BABAM2: variants seen among roughly 807,000 people sequenced by gnomAD.
BABAM2 encodes BRISC and BRCA1-A complex member 2.
BABAM2 carries 31 observed loss-of-function variants against 54.7 expected under a neutral mutation model. The ratio of observed to expected loss-of-function variants is 0.57; its 90% CI spans 0.43 to 0.77. The LOEUF is 0.77. Among genes scored for constraint, BABAM2 ranks in the 30% least tolerant of loss-of-function variants. The probability of loss-of-function intolerance (pLI) is 0.00; values close to 1 mark genes in which losing one functional copy is unlikely to be tolerated. For missense variants in BABAM2, 364 were observed against 455.8 expected, an observed-to-expected ratio of 0.80 and a Z score of 1.83; for synonymous variants, 167 against 162.9, an observed-to-expected ratio of 1.03 and a Z score of -0.19.
At chr2:28,173,488 C>T (rs114174003) in intron 7 of BABAM2, among the ~76,000 whole-genome samples, 1,589 of 152,256 alleles carry the variant, frequency 0.01, 16 homozygotes, top group Non-Finnish European at 0.018. Context: ...GGATGTCCTA[C>T]GGTTTAGAGC....
intron 10 of BABAM2, among the ~76,000 whole-genome samples, chr2:28,245,663 A>G (rs149293952): frequency 6.6e-6 from 1 of 152,340 alleles, no homozygotes; most frequent in East Asian, 1.9e-4. Context: ...TTCAGTCTTC[A>G]GGCCAAGGCA....
intron 3 of BABAM2, among the ~76,000 whole-genome samples, chr2:27,945,295 C>CT (rs1669216632): frequency 6.6e-6 from 1 of 152,214 alleles, no homozygotes; most frequent in Non-Finnish European, 1.5e-5. Context: ...TCCCAAGGTG[C>CT]TGAGATTACA....
intron 10 of BABAM2, among the ~76,000 whole-genome samples, chr2:28,268,692 G>A (rs897292993): frequency 1.3e-5 from 2 of 152,126 alleles, no homozygotes; most frequent in African/African-American, 4.8e-5. Flanking sequence ...CACTGGGGTG[G>A]CTCTACCCAA....
chr2:28,038,725 A>G (rs1384927651), intron 5 of BABAM2, among the ~76,000 whole-genome samples: 2 of 152,066 alleles, frequency 1.3e-5, no homozygotes, highest in Non-Finnish European at 2.9e-5. Context: ...GTTCTTTTTT[A>G]ATTTCTGTGT....
intron 10 of BABAM2, among the ~76,000 whole-genome samples, chr2:28,252,711 A>G (rs1295897246): frequency 6.6e-6 from 1 of 152,226 alleles, no homozygotes; most frequent in Admixed American, 6.5e-5. Flanking sequence ...CTTTTAAGGA[A>G]GAAGGTTGTA....
chr2:28,063,799 T>A (rs1021255541), intron 6 of BABAM2, among the ~76,000 whole-genome samples: 2 of 152,200 alleles, frequency 1.3e-5, no homozygotes, highest in African/African-American at 4.8e-5. Context: ...GTGAGTATGA[T>A]TTGGGTTCCT....
chr2:28,152,832 G>A (rs1672185269), intron 7 of BABAM2, among the ~76,000 whole-genome samples: 1 of 152,202 alleles, frequency 6.6e-6, no homozygotes, highest in South Asian at 2.1e-4. Flanking sequence ...TGAGCCCTAA[G>A]TACAGATCCA....
chr2:28,073,161 C>G (rs1333710234), intron 6 of BABAM2, among the ~76,000 whole-genome samples: 2 of 152,230 alleles, frequency 1.3e-5, no homozygotes, highest in East Asian at 3.9e-4. Context: ...GATTTCCAAG[C>G]TTTCTTACAC....
intron 6 of BABAM2, among the ~76,000 whole-genome samples, chr2:28,108,773 C>A (rs1667740788): frequency 6.6e-6 from 1 of 151,998 alleles, no homozygotes; most frequent in African/African-American, 2.4e-5. Flanking sequence ...TTCACACAGA[C>A]CTCATTTAGT....
intron 11 of BABAM2, among the ~76,000 whole-genome samples, chr2:28,326,037 C>T (rs1224853583): frequency 6.6e-6 from 1 of 152,246 alleles, no homozygotes; most frequent in African/African-American, 2.4e-5. Flanking sequence ...CCTCGGAGCA[C>T]TGTTCCAGCT....
At position 27,933,108 on chromosome 2, in the gene BABAM2, T is replaced by G. The variant is rs148662351; in HGVS notation, c.205+3200T>G. ...TCTTTCTAGTAGCATGGGTTTATGT[T>G]AGGAAGCATTTGCTGTTACCCTATA... is the stretch of plus-strand genomic sequence containing the variant. On this transcript the variant is annotated intron_variant, in intron 3 of 11. Coordinates refer to ENST00000379624, the MANE Select transcript of BABAM2 (RefSeq NM_199191.3). 6.6e-5 allele frequency among the ~76,000 whole-genome samples: 10 copies of G among 152,334 alleles called. No individual in the cohort carries two copies. The East Asian group carries it at 1.5e-3, about 23-fold the overall frequency.
intron 2 of BABAM2, among the ~76,000 whole-genome samples, chr2:27,908,023 C>T (rs778539031): frequency 6.6e-6 from 1 of 152,028 alleles, no homozygotes; most frequent in Non-Finnish European, 1.5e-5. Flanking sequence ...CAGTTTTTTG[C>T]GTATATACCC....
intron 7 of BABAM2, among the ~76,000 whole-genome samples, chr2:28,160,711 A>C (rs1331394364): frequency 6.6e-6 from 1 of 151,702 alleles, no homozygotes; most frequent in African/African-American, 2.4e-5. Flanking sequence ...AAATTAAATG[A>C]ACATAGAAAG....
intron 6 of BABAM2, among the ~76,000 whole-genome samples, chr2:28,109,184 C>CTTTTTTTT (rs764380110): frequency 4.9e-5 from 5 of 101,906 alleles, no homozygotes; most frequent in Non-Finnish European, 8.1e-5. Flanking sequence ...GACACATACT[C>CTTTTTTTT]TTTTTTTTTT....
intron 6 of BABAM2, among the ~76,000 whole-genome samples, chr2:28,047,349 T>C (rs1677661917): frequency 6.6e-6 from 1 of 152,218 alleles, no homozygotes; most frequent in Admixed American, 6.5e-5. Flanking sequence ...CTCCTCCATG[T>C]ATTCCAGTTA....
At chr2:28,202,881 T>C (rs570402772) in intron 7 of BABAM2, among the ~76,000 whole-genome samples, 6 of 152,274 alleles carry the variant, frequency 3.9e-5, no homozygotes, top group African/African-American at 1.4e-4. Flanking sequence ...ACGGGGAATA[T>C]TCCTCCCATG....
At chr2:27,920,524 T>C (rs529490766) in intron 2 of BABAM2, among the ~76,000 whole-genome samples, 84 of 152,290 alleles carry the variant, frequency 5.5e-4, no homozygotes, top group African/African-American at 2.0e-3. Context: ...TAACAGTAAT[T>C]TACTGTAATA....
chr2:28,301,417 T>C (rs1344987263), intron 11 of BABAM2, among the ~76,000 whole-genome samples: 3 of 152,206 alleles, frequency 2.0e-5, no homozygotes, highest in Non-Finnish European at 2.9e-5. Flanking sequence ...TTTGGGGTCA[T>C]GTGTGCCCCA....
chr2:28,213,720 G>T (rs1679677670), intron 7 of BABAM2, among the ~76,000 whole-genome samples: 1 of 151,674 alleles, frequency 6.6e-6, no homozygotes, highest in Non-Finnish European at 1.5e-5. Flanking sequence ...ATACATTTTT[G>T]GTTTATTTAT....
Sources: allele counts gnomAD v4.1 joint callset (sites outside exome capture counted in the v4.1 genomes callset), GRCh38; gene constraint gnomAD v4.1.1; transcripts MANE v1.5; gene names NCBI Gene and HGNC (gene_info 2026-07-23, HGNC 2026-07-21).